Variants in MS4A15 observed in about 807,000 individuals in gnomAD.
The protein encoded by MS4A15 is membrane-spanning 4-domains subfamily A member 15.
In MS4A15, 22 loss-of-function variants were observed where a neutral mutation model predicts 20.6. The ratio of observed to expected loss-of-function variants is 1.07; its 90% CI spans 0.76 to 1.52. The LOEUF is 1.52. Ranked by LOEUF, MS4A15 falls within the 40% of genes most tolerant of loss-of-function variation. The pLI, the probability that MS4A15 is intolerant of heterozygous loss-of-function variation, is 0.00. For synonymous variants in MS4A15, 129 were observed against 129.3 expected, an observed-to-expected ratio of 1.00 and a Z score of 0.02; for missense variants, 312 against 323.0, an observed-to-expected ratio of 0.97 and a Z score of 0.26.
rs542853085 is a variant in MS4A15 at position 60,757,436 on chromosome 11, T to C, written c.-29+378T>C. Among the ~76,000 whole-genome samples, 22 of 152,256 alleles carry C rather than the reference T, an allele frequency of 1.4e-4. No homozygotes were observed. In the South Asian group the frequency reaches 4.6e-3, roughly 32 times the overall value. ...AGATTGCAGTGGGTCAGACCGCCCG[T>C]CTTTGCCTGAAGGGAATTCAGGAGG... is the stretch of plus-strand genomic sequence containing the variant. On this transcript the variant is annotated intron_variant, in intron 1 of 6. Transcript: ENST00000405633.
At chr11:60,768,553 C>T (rs1227929995) in intron 3 of MS4A15, among the ~76,000 whole-genome samples, 1 of 152,204 alleles carries the variant, frequency 6.6e-6, no homozygotes, top group African/African-American at 2.4e-5. Flanking sequence ...GAAGCACAGG[C>T]CTCAGGGTCA....
At chr11:60,760,360 C>A (rs1271364222) in intron 1 of MS4A15, among the ~76,000 whole-genome samples, 3 of 152,228 alleles carry the variant, frequency 2.0e-5, no homozygotes, top group Non-Finnish European at 4.4e-5. Flanking sequence ...CAATGGCATT[C>A]TCTTTCCCCT....
intron 1 of MS4A15, among the ~76,000 whole-genome samples, chr11:60,760,207 G>A (rs1317901650): frequency 6.6e-6 from 1 of 152,222 alleles, no homozygotes; most frequent in Non-Finnish European, 1.5e-5. Flanking sequence ...TACACACACA[G>A]ATGTGGTTTG....
intron 1 of MS4A15, among the ~76,000 whole-genome samples, chr11:60,762,327 T>A (rs1325455818): frequency 6.6e-6 from 1 of 152,226 alleles, no homozygotes; most frequent in Non-Finnish European, 1.5e-5. Flanking sequence ...ATATTGTAAT[T>A]GGCAATATAA....
rs192059525 is a variant in MS4A15 at position 60,770,610 on chromosome 11, A to T, written c.349-681A>T. Reference sequence around the variant, plus strand: ...AAGACTCCATCTTAGAAAATAAAATAAAAAAAAAAAAGCTCCTTGAGGGCA... The same window carrying T: ...AAGACTCCATCTTAGAAAATAAAATTAAAAAAAAAAAGCTCCTTGAGGGCA... On this transcript the variant is annotated intron_variant, in intron 3 of 6. Coordinates refer to ENST00000405633, the MANE Select transcript of MS4A15 (RefSeq NM_001098835.2). Among the ~76,000 whole-genome samples the T allele has an allele frequency of 5.5e-4, 78 of 142,588 alleles. No homozygotes were observed. The East Asian group carries it at 8.4e-3, about 15-fold the overall frequency. The allele number at this position is 142,588 out of a possible 152,430, so 93.5% of individuals were successfully genotyped here. A position where few individuals can be genotyped will look rare whatever the true frequency, so the allele number is the denominator to read the frequency against.
intron 3 of MS4A15, among the ~76,000 whole-genome samples, chr11:60,770,708 T>C (rs999382199): frequency 6.6e-6 from 1 of 151,936 alleles, no homozygotes; most frequent in Non-Finnish European, 1.5e-5. Context: ...TATTTGGTTT[T>C]TCTGTTTTTT....
intron 3 of MS4A15, 53 bp downstream of exon 3, chr11:60,767,708 C>A: frequency 1.4e-6 from 2 of 1,478,340 alleles, no homozygotes; most frequent in Non-Finnish European, 1.8e-6. Flanking sequence ...CCCAGGCTCA[C>A]CTCTCCCCCA....
chr11:60,769,115 C>T (rs1434217842), intron 3 of MS4A15, among the ~76,000 whole-genome samples: 1 of 152,196 alleles, frequency 6.6e-6, no homozygotes, highest in Non-Finnish European at 1.5e-5. Context: ...TGAGCCCCCT[C>T]CTGCCAGGCT....
chr11:60,758,247 C>T (rs1245905790), intron 1 of MS4A15, among the ~76,000 whole-genome samples: 2 of 136,800 alleles, frequency 1.5e-5, no homozygotes, highest in Non-Finnish European at 3.2e-5. Flanking sequence ...TCACAGCTAG[C>T]AATACAAACA....
chr11:60,762,716 T>C (rs1853777125), intron 1 of MS4A15, among the ~76,000 whole-genome samples: 1 of 152,100 alleles, frequency 6.6e-6, no homozygotes, highest in Non-Finnish European at 1.5e-5. Context: ...ATAACCAACA[T>C]ACTCTAAAAA....
intron 2 of MS4A15, among the ~76,000 whole-genome samples, chr11:60,765,674 C>G (rs1338200307): frequency 6.6e-6 from 1 of 152,114 alleles, no homozygotes; most frequent in Non-Finnish European, 1.5e-5. Flanking sequence ...ACTTTCAACC[C>G]CTCTGCTTTG....
At chr11:60,773,753 T>C (rs1356611112) in intron 5 of MS4A15, 84 bp from the exon 6 acceptor site, 26 of 1,150,132 alleles carry the variant, frequency 2.3e-5, no homozygotes, top group Non-Finnish European at 3.4e-5. Context: ...ACTAGCCGCA[T>C]GACCTTGGGC....
chr11:60,770,413 T>G (rs1300641869), intron 3 of MS4A15, among the ~76,000 whole-genome samples: 1 of 151,510 alleles, frequency 6.6e-6, no homozygotes, highest in African/African-American at 2.4e-5. Flanking sequence ...GCCTGACCAA[T>G]ATGGTGAAAC....
chr11:60,769,649 T>C (rs1341650827), intron 3 of MS4A15, among the ~76,000 whole-genome samples: 1 of 152,172 alleles, frequency 6.6e-6, no homozygotes, highest in Non-Finnish European at 1.5e-5. Flanking sequence ...GCCATAGGCT[T>C]GTCCCCAGCC....
At chr11:60,773,591 C>A in intron 5 of MS4A15, 107 bp downstream of exon 5, 1 of 970,572 alleles carries the variant, frequency 1.0e-6, no homozygotes, top group Non-Finnish European at 1.6e-6. Flanking sequence ...TTGGCAGGGC[C>A]TGCCAGTCCC....
intron 3 of MS4A15, among the ~76,000 whole-genome samples, chr11:60,771,080 C>T (rs1303481028): frequency 2.6e-5 from 4 of 152,136 alleles, no homozygotes; most frequent in Admixed American, 6.5e-5. Context: ...GATGATATGA[C>T]GTCAATGAAA....
Position 60,771,818 on chromosome 11 carries a change from G to A in MS4A15, c.405+471G>A, listed in dbSNP as rs1854052345. ...GAGATTTAATCCCATGATGGGGCTGGATTGTGGAGGGCTTGGTGCCTTCTG... is the reference window on the plus strand; with the variant it reads ...GAGATTTAATCCCATGATGGGGCTGAATTGTGGAGGGCTTGGTGCCTTCTG... On this transcript the variant is annotated intron_variant, in intron 4 of 6. Transcript: ENST00000405633. The A allele has an allele frequency of 3.4e-6, 4 of 1,185,280 alleles. No individual in the cohort carries two copies. In the South Asian group the frequency reaches 6.3e-5, roughly 19 times the overall value. 73.4% of individuals were successfully genotyped at this position (1,185,280 alleles called of 1,614,324 possible).
intron 2 of MS4A15, 72 bp from the exon 3 acceptor site, chr11:60,767,461 C>A: frequency 1.4e-6 from 2 of 1,406,296 alleles, no homozygotes; most frequent in Non-Finnish European, 1.9e-6. Flanking sequence ...GGGCCAGCCA[C>A]GCTCTCCGCG....
intron 4 of MS4A15, 78 bp downstream of exon 4, chr11:60,771,425 C>T (rs1254086304): frequency 1.9e-6 from 3 of 1,592,128 alleles, no homozygotes; most frequent in Non-Finnish European, 2.6e-6. Flanking sequence ...CTCCCATCCA[C>T]TCACTCCTTC....
Sources: allele counts gnomAD v4.1 joint callset (sites outside exome capture counted in the v4.1 genomes callset), GRCh38; gene constraint gnomAD v4.1.1; transcripts MANE v1.5; gene names NCBI Gene and HGNC (gene_info 2026-07-23, HGNC 2026-07-21).